Variants in GABRA3 observed in about 807,000 individuals in gnomAD.
The protein encoded by GABRA3 is gamma-aminobutyric acid receptor subunit alpha-3.
A neutral mutation model predicts 30.1 loss-of-function variants in GABRA3; 10 were observed. That is an observed-to-expected ratio of 0.33 (90% CI 0.20 to 0.56). GABRA3 has a LOEUF of 0.56. GABRA3 is among the 20% of genes least tolerant of loss of function. GABRA3 has a pLI of 0.89. For missense variants in GABRA3, 233 were observed against 392.0 expected, an observed-to-expected ratio of 0.59 and a Z score of 3.42; for synonymous variants, 151 against 146.8, an observed-to-expected ratio of 1.03 and a Z score of -0.21.
At chrX:152,424,062 T>A (rs1353318282) in intron 1 of GABRA3, among the ~76,000 whole-genome samples, 1 of 111,174 alleles carries the variant, frequency 9.0e-6, no homozygotes, top group Non-Finnish European at 1.9e-5. Flanking sequence ...AAGAACAATT[T>A]TTGTATTGTG....
intron 1 of GABRA3, among the ~76,000 whole-genome samples, chrX:152,436,310 G>A (rs1417709605): frequency 8.9e-6 from 1 of 112,061 alleles, no homozygotes; most frequent in Non-Finnish European, 1.9e-5. Flanking sequence ...AAATGCTATT[G>A]CAGTTTCTCA....
chrX:152,263,136 TC>T (rs1938761485), intron 4 of GABRA3, among the ~76,000 whole-genome samples: 1 of 110,595 alleles, frequency 9.0e-6, no homozygotes, highest in African/African-American at 3.3e-5. Context: ...TTCAATTACC[TC>T]CAACCGGGTC....
chrX:152,233,561 G>A (rs1301153230), intron 5 of GABRA3, among the ~76,000 whole-genome samples: 6 of 110,100 alleles, frequency 5.4e-5, no homozygotes, highest in African/African-American at 2.0e-4. Context: ...GTACTGGAGA[G>A]GATGTGGAGA....
chrX:152,173,609 C>A (rs1937033249), intron 9 of GABRA3, among the ~76,000 whole-genome samples: 1 of 109,099 alleles, frequency 9.2e-6, no homozygotes, highest in African/African-American at 3.3e-5. Context: ...ACCGCTGCCC[C>A]CCTCCCCAGG....
At chrX:152,279,386 G>C (rs1279106113) in intron 4 of GABRA3, among the ~76,000 whole-genome samples, 1 of 111,471 alleles carries the variant, frequency 9.0e-6, no homozygotes, top group Non-Finnish European at 1.9e-5. Context: ...CCCATTTCTT[G>C]TTTTTGTCAG....
chrX:152,196,708 A>G (rs1410462870), intron 8 of GABRA3, among the ~76,000 whole-genome samples: 1 of 111,805 alleles, frequency 8.9e-6, no homozygotes, highest in Non-Finnish European at 1.9e-5. Context: ...TTCAACCCAC[A>G]TGAGTATTCT....
intron 4 of GABRA3, among the ~76,000 whole-genome samples, chrX:152,283,759 A>C (rs757310649): frequency 9.8e-5 from 11 of 112,298 alleles, no homozygotes; most frequent in African/African-American, 3.5e-4. Flanking sequence ...GCCAAGTAGT[A>C]GTCCCACTGA....
intron 4 of GABRA3, among the ~76,000 whole-genome samples, chrX:152,265,051 G>C (rs192761989): frequency 9.0e-6 from 1 of 111,440 alleles, no homozygotes; most frequent in East Asian, 2.8e-4. Context: ...ATGATGGCTG[G>C]AGAATTCAAT....
At chrX:152,292,741 G>T (rs1333692563) in intron 3 of GABRA3, among the ~76,000 whole-genome samples, 1 of 111,510 alleles carries the variant, frequency 9.0e-6, no homozygotes, top group Non-Finnish European at 1.9e-5. Flanking sequence ...AGAGATTCTG[G>T]TAGGTGGTGT....
chrX:152,247,146 A>T (rs889211331), intron 5 of GABRA3, among the ~76,000 whole-genome samples: 1 of 111,824 alleles, frequency 8.9e-6, no homozygotes, highest in African/African-American at 3.2e-5. Flanking sequence ...CATACAATAA[A>T]AAATTTCATG....
intron 3 of GABRA3, among the ~76,000 whole-genome samples, chrX:152,289,099 G>A (rs1468589093): frequency 2.8e-5 from 3 of 108,444 alleles, no homozygotes; most frequent in Non-Finnish European, 5.7e-5. Flanking sequence ...TCTGCTTGCT[G>A]CTAATCTGAA....
At chrX:152,333,989 TA>T (rs780045434) in intron 3 of GABRA3, among the ~76,000 whole-genome samples, 42 of 111,599 alleles carry the variant, frequency 3.8e-4, no homozygotes, top group African/African-American at 1.3e-3. Flanking sequence ...TATTACCAGA[TA>T]TCAAACCTAT....
chrX:152,402,747 C>A (rs1183457143), intron 1 of GABRA3, among the ~76,000 whole-genome samples: 1 of 111,523 alleles, frequency 9.0e-6, no homozygotes, highest in East Asian at 2.8e-4. Flanking sequence ...GACTATATAG[C>A]ATGTGACAGA....
At chrX:152,249,202 A>C (rs187702511) in intron 5 of GABRA3, among the ~76,000 whole-genome samples, 1 of 111,025 alleles carries the variant, frequency 9.0e-6, no homozygotes, top group African/African-American at 3.3e-5. Context: ...TACTTCCATT[A>C]TCCTAGGCAA....
At chrX:152,379,989 C>G (rs1222622270) in intron 1 of GABRA3, among the ~76,000 whole-genome samples, 1 of 110,703 alleles carries the variant, frequency 9.0e-6, no homozygotes, top group Non-Finnish European at 1.9e-5. Context: ...AGGCGCCCAC[C>G]ACCATGCCTG....
chrX:152,323,624 A>C (rs982101936), intron 3 of GABRA3, among the ~76,000 whole-genome samples: 3 of 112,398 alleles, frequency 2.7e-5, no homozygotes, highest in African/African-American at 9.7e-5. Flanking sequence ...CTTATAAATG[A>C]GTAATATATT....
At chrX:152,358,890 C>A (rs1196914339) in intron 2 of GABRA3, among the ~76,000 whole-genome samples, 1 of 111,850 alleles carries the variant, frequency 8.9e-6, no homozygotes, top group Non-Finnish European at 1.9e-5. Flanking sequence ...GCTGAACCAA[C>A]CTTGCATTCC....
In GABRA3 at chrX:152,176,805, C is replaced by T. The variant is rs974849022; in HGVS notation, c.1144-8242G>A. On this transcript the variant is annotated intron_variant, in intron 9 of 9. Coordinates refer to ENST00000370314, the MANE Select transcript of GABRA3 (RefSeq NM_000808.4). ...ATACATATTTGGAAGTTGTTCGCCTCTAGATGGCCATTGATTCAATGTCTT... is the reference window on the plus strand; with the variant it reads ...ATACATATTTGGAAGTTGTTCGCCTTTAGATGGCCATTGATTCAATGTCTT... 7.2e-5 allele frequency among the ~76,000 whole-genome samples: 8 copies of T among 111,427 alleles called. No homozygotes were observed. In the Admixed American group the frequency reaches 7.7e-4, roughly 11 times the overall value.
At chrX:152,368,868 G>C (rs1006366088) in intron 1 of GABRA3, among the ~76,000 whole-genome samples, 3 of 109,490 alleles carry the variant, frequency 2.7e-5, no homozygotes, top group African/African-American at 6.6e-5. Context: ...ACCACGCCCA[G>C]CTAATTTTTT....
Sources: gnomAD v4.1 joint callset for allele counts (sites outside exome capture counted in the v4.1 genomes callset) on GRCh38, gnomAD v4.1.1 for gene constraint, MANE v1.5 for transcripts, NCBI Gene and HGNC (gene_info 2026-07-23, HGNC 2026-07-21) for gene names.